The following B4GALT1 variants were observed in gnomAD, a reference collection of about 807,000 sequenced individuals.
B4GALT1 encodes beta-1,4-galactosyltransferase 1.
B4GALT1 carries 16 observed loss-of-function variants against 34.9 expected under a neutral mutation model. That is an observed-to-expected ratio of 0.46 (90% confidence interval 0.31 to 0.70). B4GALT1 has a LOEUF of 0.70. Ranked by LOEUF, B4GALT1 falls within the 30% of genes least tolerant of loss-of-function variation. B4GALT1 has a pLI of 0.05. For missense variants in B4GALT1, 445 were observed against 530.5 expected (o/e 0.84, Z 1.58); for synonymous variants, 221 against 218.1 (o/e 1.01, Z -0.12).
In B4GALT1 at chr9:33,115,512, G is replaced by C. The variant is rs74670969; in HGVS notation, c.959+479C>G. ...GGGACAGAACTGACCAGGCCATAAT[G>C]GTTGCTGGGGCTGGATAGGTCCTCA... On this transcript the variant is annotated intron_variant, in intron 4 of 5. Coordinates refer to ENST00000379731, the MANE Select transcript of B4GALT1 (RefSeq NM_001497.4). Among the ~76,000 whole-genome samples the C allele has an allele frequency of 7.8e-3, 1,187 of 152,324 alleles. 9 individuals carry two copies. Among genetic ancestry groups the C allele is most frequent in the Non-Finnish European group, 0.012 (801 of 68,026 alleles).
At chr9:33,108,784 C>G (rs564873704), downstream of B4GALT1, 70 of 152,192 alleles carry the variant, frequency 4.6e-4, no homozygotes, top group African/African-American at 1.6e-3. Context: ...TTGCAAAGTC[C>G]TGTGTGGCAC....
chr9:33,104,515 C>A, exon 3 of B4GALT1: 1 of 305,748 alleles, frequency 3.3e-6, no homozygotes, highest in Non-Finnish European at 6.4e-6. Flanking sequence ...ACAGCCCAGA[C>A]TCCTTAGGGG....
downstream of B4GALT1, among the ~76,000 whole-genome samples, chr9:33,106,406 C>A (rs1839797185): frequency 6.6e-6 from 1 of 152,206 alleles, no homozygotes; most frequent in South Asian, 2.1e-4. Flanking sequence ...GCCACCCTGT[C>A]CGCATCCCTG....
At chr9:33,116,203 TA>T (rs1165412419) in intron 3 of B4GALT1, 90 bp from the exon 4 acceptor site, 2 of 1,471,462 alleles carry the variant, frequency 1.4e-6, no homozygotes, top group Non-Finnish European at 1.9e-6. Flanking sequence ...TAAACACTTT[TA>T]AAGTTATTCT....
chr9:33,144,327 AG>A (rs753808041), intron 1 of B4GALT1, among the ~76,000 whole-genome samples: 2 of 152,092 alleles, frequency 1.3e-5, no homozygotes, highest in Non-Finnish European at 2.9e-5. Context: ...TCCGCCTCCC[AG>A]GTTTCAAGCG....
exon 3 of B4GALT1, chr9:33,104,599 C>T (rs1204490739): frequency 5.6e-6 from 2 of 359,338 alleles, no homozygotes; most frequent in African/African-American, 4.3e-5. Flanking sequence ...CAGCTGGATT[C>T]AGCAACCAGG....
At chr9:33,148,242 T>C (rs1222875347) in intron 1 of B4GALT1, among the ~76,000 whole-genome samples, 1 of 152,046 alleles carries the variant, frequency 6.6e-6, no homozygotes, top group Non-Finnish European at 1.5e-5. Context: ...ATCAGGCATA[T>C]GAAGAAATGC....
rs1564033456 is a variant in B4GALT1, at chr9:33,110,804, G to C, written c.*2650C>G. The C allele has an allele frequency of 6.6e-6, 1 of 152,142 alleles. No homozygotes were observed. The highest frequency in any genetic ancestry group is 2.4e-5 in the African/African-American group (1 of 41,396). 9.4% of individuals were successfully genotyped at this position (152,142 alleles called of 1,614,324 possible). On this transcript the variant is annotated 3_prime_UTR_variant, in exon 6 of 6. Transcript: ENST00000379731. The stretch of plus-strand genomic sequence containing the variant: ...AAATACACAGCACAACAGGTCTCTG[G>C]GACATGAAAGCCGTCATCCTGGCTA...
chr9:33,184,983 A>G, the B4GALT1 span, among the ~76,000 whole-genome samples: 1 of 152,210 alleles, frequency 6.6e-6, no homozygotes, highest in African/African-American at 2.4e-5. Context: ...AAACATGTCT[A>G]GCCAGCTCAG....
At chr9:33,130,117 T>C (rs151253527) in intron 2 of B4GALT1, among the ~76,000 whole-genome samples, 1 of 152,148 alleles carries the variant, frequency 6.6e-6, no homozygotes, top group Non-Finnish European at 1.5e-5. Context: ...GTACTGGCTG[T>C]GGGGCAAAGG....
At chr9:33,183,009 A>G in the B4GALT1 span, among the ~76,000 whole-genome samples, 2 of 152,192 alleles carry the variant, frequency 1.3e-5, no homozygotes, top group African/African-American at 4.8e-5. Flanking sequence ...CATGTACAGT[A>G]GTACCCGCTT....
At chr9:33,109,754 C>A (rs1383611898), downstream of B4GALT1, among the ~76,000 whole-genome samples, 1 of 152,228 alleles carries the variant, frequency 6.6e-6, no homozygotes, top group Non-Finnish European at 1.5e-5. Context: ...TATCTCCAGG[C>A]AGACAGTGTC....
At chr9:33,132,029 G>A (rs1240910783) in intron 2 of B4GALT1, among the ~76,000 whole-genome samples, 3 of 151,972 alleles carry the variant, frequency 2.0e-5, no homozygotes, top group African/African-American at 4.8e-5. Flanking sequence ...AGTAGCTGGG[G>A]AAGTGGGAGA....
the B4GALT1 span, among the ~76,000 whole-genome samples, chr9:33,183,105 A>G: frequency 7.9e-5 from 12 of 152,208 alleles, no homozygotes; most frequent in Non-Finnish European, 1.8e-4. Context: ...TAAAAAATTC[A>G]TAAGTTTTAA....
At chr9:33,174,333 T>A in the B4GALT1 span, 1 of 152,312 alleles carries the variant, frequency 6.6e-6, no homozygotes, top group Non-Finnish European at 1.5e-5. Context: ...CAACATGTGA[T>A]TCTAAAGTGG....
At chr9:33,162,108 C>T (rs942250775) in intron 1 of B4GALT1, among the ~76,000 whole-genome samples, 4 of 152,156 alleles carry the variant, frequency 2.6e-5, no homozygotes, top group African/African-American at 7.2e-5. Flanking sequence ...TACCCAAAGA[C>T]CATAATACCC....
Position 33,113,089 on chromosome 9 carries a change from C to A in B4GALT1, c.*365G>T. ...CTCCGAATTTTCACGAATAAGAAAA[C>A]CATAATTTAAAGAAAAATTCTAACC... On this transcript the variant is annotated 3_prime_UTR_variant, in exon 6 of 6. Coordinates refer to ENST00000379731, the MANE Select transcript of B4GALT1 (RefSeq NM_001497.4). The A allele has an allele frequency of 7.1e-6, 2 of 283,680 alleles. No homozygotes were observed. The highest frequency in any genetic ancestry group is 1.4e-5 in the Non-Finnish European group (2 of 144,756). 17.6% of individuals were successfully genotyped at this position (283,680 alleles called of 1,614,324 possible). A position where few individuals can be genotyped will look rare whatever the true frequency, so the allele number is the denominator to read the frequency against.
chr9:33,147,236 C>G (rs552497445), intron 1 of B4GALT1, among the ~76,000 whole-genome samples: 10 of 146,564 alleles, frequency 6.8e-5, no homozygotes, highest in Non-Finnish European at 7.4e-5. Flanking sequence ...AAGAGGAAGA[C>G]AAGTCATTCT....
intron 1 of B4GALT1, among the ~76,000 whole-genome samples, chr9:33,144,216 T>C (rs189850587): frequency 3.3e-5 from 5 of 151,768 alleles, no homozygotes; most frequent in African/African-American, 1.2e-4. Flanking sequence ...CCTCTTAATT[T>C]TCTAAGTTCC....
Sources: gnomAD v4.1 joint callset for allele counts (sites outside exome capture counted in the v4.1 genomes callset) on GRCh38, gnomAD v4.1.1 for gene constraint, MANE v1.5 for transcripts, NCBI Gene and HGNC (gene_info 2026-07-23, HGNC 2026-07-21) for gene names.